Variants in ADAMTSL1 observed in about 807,000 individuals in gnomAD.
ADAMTSL1 encodes the protein ADAMTS like 1.
A neutral mutation model predicts 201.8 loss-of-function variants in ADAMTSL1; 126 were observed. The ratio of observed to expected loss-of-function variants is 0.62; its 90% CI spans 0.54 to 0.72. The LOEUF (loss-of-function observed/expected upper bound fraction) is 0.72, where lower values mean the gene tolerates loss of function less well. Among genes scored for constraint, ADAMTSL1 ranks in the 30% least tolerant of loss-of-function variants. The pLI, the probability that ADAMTSL1 is intolerant of heterozygous loss-of-function variation, is 0.00. For synonymous variants in ADAMTSL1, 1,121 were observed against 903.4 expected, an observed-to-expected ratio of 1.24 and a Z score of -4.32; for missense variants, 2,679 against 2,277.8, an observed-to-expected ratio of 1.18 and a Z score of -3.59.
chr9:17,967,831 C>G (rs1052662766), intron 1 of ADAMTSL1, among the ~76,000 whole-genome samples: 2 of 152,008 alleles, frequency 1.3e-5, no homozygotes, highest in African/African-American at 4.8e-5. Flanking sequence ...CTCAAAATTT[C>G]TAGTTTTCCT....
intron 3 of ADAMTSL1, among the ~76,000 whole-genome samples, chr9:18,539,924 C>CA (rs1235314537): frequency 2.0e-5 from 3 of 152,104 alleles, no homozygotes; most frequent in African/African-American, 7.2e-5. Flanking sequence ...AGAAGTACCA[C>CA]AAAAAACTCA....
chr9:18,085,782 C>T (rs540493499), intron 1 of ADAMTSL1, among the ~76,000 whole-genome samples: 55 of 147,138 alleles, frequency 3.7e-4, no homozygotes, highest in Middle Eastern at 6.9e-3. Flanking sequence ...TATATATATA[C>T]ACACACACAC....
At chr9:18,071,390 G>A (rs1408777795) in intron 1 of ADAMTSL1, among the ~76,000 whole-genome samples, 3 of 152,208 alleles carry the variant, frequency 2.0e-5, no homozygotes, top group Non-Finnish European at 2.9e-5. Flanking sequence ...TGGAACAACA[G>A]GGGTTCCTGC....
intron 1 of ADAMTSL1, among the ~76,000 whole-genome samples, chr9:18,499,068 C>A (rs1822694362): frequency 6.6e-6 from 1 of 152,222 alleles, no homozygotes; most frequent in African/African-American, 2.4e-5. Flanking sequence ...CTTTTACACC[C>A]TGTTACAGAA....
chr9:18,134,490 G>A (rs1826074974), intron 1 of ADAMTSL1, among the ~76,000 whole-genome samples: 1 of 152,116 alleles, frequency 6.6e-6, no homozygotes, highest in Non-Finnish European at 1.5e-5. Flanking sequence ...ACGTCCCTAA[G>A]GATTCTGTAA....
intron 7 of ADAMTSL1, among the ~76,000 whole-genome samples, chr9:18,642,146 A>G (rs12552620): frequency 0.033 from 4,964 of 152,142 alleles, 135 homozygotes; most frequent in East Asian, 0.1. Flanking sequence ...TGGTGCTTAC[A>G]CAGAGGCCAT....
intron 2 of ADAMTSL1, among the ~76,000 whole-genome samples, chr9:18,213,257 C>G (rs764981873): frequency 6.6e-6 from 1 of 152,156 alleles, no homozygotes; most frequent in Non-Finnish European, 1.5e-5. Flanking sequence ...GATTCTTGTT[C>G]TTTCCCCTTT....
At chr9:18,703,220 C>T (rs568039587) in intron 13 of ADAMTSL1, among the ~76,000 whole-genome samples, 1 of 152,224 alleles carries the variant, frequency 6.6e-6, no homozygotes, top group Admixed American at 6.5e-5. Flanking sequence ...GATGAGACTT[C>T]TAAACATTAG....
At chr9:18,898,153 C>A (rs1829773046) in intron 26 of ADAMTSL1, among the ~76,000 whole-genome samples, 2 of 152,154 alleles carry the variant, frequency 1.3e-5, no homozygotes, top group African/African-American at 4.8e-5. Context: ...CATGCCACTG[C>A]ATTCCAGCCT....
chr9:18,663,690 C>A (rs1829251919), intron 9 of ADAMTSL1, among the ~76,000 whole-genome samples: 1 of 151,520 alleles, frequency 6.6e-6, no homozygotes, highest in African/African-American at 2.4e-5. Context: ...AATTTCACTT[C>A]CCACAACTTC....
chr9:18,291,668 A>ATCTC (rs143766877), intron 2 of ADAMTSL1, among the ~76,000 whole-genome samples: 3 of 120,106 alleles, frequency 2.5e-5, no homozygotes, highest in Non-Finnish European at 3.6e-5. Context: ...TCTCCCCATC[A>ATCTC]TCTCTCTCTC....
intron 1 of ADAMTSL1, among the ~76,000 whole-genome samples, chr9:18,153,176 C>G (rs575393043): frequency 8.3e-4 from 127 of 152,156 alleles, no homozygotes; most frequent in Non-Finnish European, 1.1e-3. Context: ...CATCCACATC[C>G]TATACTTGCC....
chr9:18,710,348 C>G (rs983054329), intron 14 of ADAMTSL1, among the ~76,000 whole-genome samples: 1 of 152,238 alleles, frequency 6.6e-6, no homozygotes, highest in South Asian at 2.1e-4. Flanking sequence ...TCCTTAGTTT[C>G]ACCCACCACA....
intron 19 of ADAMTSL1, among the ~76,000 whole-genome samples, chr9:18,793,643 T>TA (rs1360544492): frequency 2.6e-5 from 4 of 152,154 alleles, no homozygotes; most frequent in Non-Finnish European, 4.4e-5. Context: ...CTAGGGAGGT[T>TA]AAAAAATCAC....
chr9:18,697,697 G>A lies in ADAMTSL1; in HGVS notation c.1575-9050G>A, dbSNP rs143934628. Among the ~76,000 whole-genome samples the A allele has an allele frequency of 3.8e-3, 582 of 152,272 alleles. 6 individuals carry two copies. The highest frequency in any genetic ancestry group is 3.2e-3 in the Non-Finnish European group (217 of 68,034). On this transcript the variant is annotated intron_variant, in intron 13 of 28. Coordinates refer to ENST00000380548, the MANE Select transcript of ADAMTSL1 (RefSeq NM_001040272.6). ...TTTCAAGGGAGAATTTAGAGAATTC[G>A]GCAATCAGTTGAAAGTGAGATGTGA...
intron 2 of ADAMTSL1, among the ~76,000 whole-genome samples, chr9:18,447,473 G>A (rs1820236446): frequency 6.6e-6 from 1 of 152,150 alleles, no homozygotes; most frequent in African/African-American, 2.4e-5. Context: ...GGGGAAGAGG[G>A]AGGGAGGGAG....
intron 2 of ADAMTSL1, among the ~76,000 whole-genome samples, chr9:18,530,042 T>G (rs138247080): frequency 6.6e-6 from 1 of 152,184 alleles, no homozygotes; most frequent in Admixed American, 6.5e-5. Context: ...GGTTAAAATA[T>G]CGGGGAAAAG....
intron 13 of ADAMTSL1, among the ~76,000 whole-genome samples, chr9:18,690,842 T>G (rs577013139): frequency 3.3e-5 from 5 of 152,336 alleles, no homozygotes; most frequent in East Asian, 3.9e-4. Context: ...CTTGGGCTAA[T>G]TCCATATTCT....
intron 2 of ADAMTSL1, among the ~76,000 whole-genome samples, chr9:18,166,441 A>G (rs929539631): frequency 5.3e-5 from 8 of 152,106 alleles, no homozygotes; most frequent in African/African-American, 1.9e-4. Context: ...TTCTAAATGC[A>G]AAGCATTCTT....
Sources: gnomAD v4.1 joint callset for allele counts (sites outside exome capture counted in the v4.1 genomes callset) on GRCh38, gnomAD v4.1.1 for gene constraint, MANE v1.5 for transcripts, NCBI Gene and HGNC (gene_info 2026-07-23, HGNC 2026-07-21) for gene names.